The following SHISA5 variants were observed in gnomAD, a reference collection of about 807,000 sequenced individuals.
SHISA5 encodes protein shisa-5.
In SHISA5, 21 loss-of-function variants were observed where a neutral mutation model predicts 27.5. The ratio of observed to expected loss-of-function variants is 0.76; its 90% CI spans 0.54 to 1.10. The LOEUF is 1.10. Ranked by LOEUF, SHISA5 falls within the 50% of genes least tolerant of loss-of-function variation. The pLI, the probability that SHISA5 is intolerant of heterozygous loss-of-function variation, is 0.00. For synonymous variants in SHISA5, 137 were observed against 142.2 expected (o/e 0.96, Z 0.26); for missense variants, 314 against 336.3 (o/e 0.93, Z 0.52).
intron 3 of SHISA5, chr3:48,472,955 A>G: frequency 6.7e-7 from 1 of 1,481,644 alleles, no homozygotes; most frequent in Non-Finnish European, 9.1e-7. Context: ...ATCCCTCCAG[A>G]GATCTCTCAG....
chr3:48,469,637 C>A lies in SHISA5; in HGVS notation c.431-64G>T. 6.3e-7 allele frequency: 1 copy of A among 1,593,422 alleles called. No homozygotes were observed. Among genetic ancestry groups the A allele is most frequent in the Non-Finnish European group, 8.6e-7 (1 of 1,168,776 alleles). On this transcript the variant is annotated intron_variant, in intron 4 of 5. Coordinates refer to ENST00000296444, the MANE Select transcript of SHISA5 (RefSeq NM_016479.6). This position sits in a 1 kb window ranked among gnomAD's most constrained non-coding sequence, Gnocchi z 4.6. ...CCCAGGTCTTGAGAGCCAGGCTTGCCACCCATCCCTCCAGCTTAGCCAAAG... is the reference window on the plus strand; with the variant it reads ...CCCAGGTCTTGAGAGCCAGGCTTGCAACCCATCCCTCCAGCTTAGCCAAAG...
At chr3:48,471,840 T>C (rs1019255501) in intron 3 of SHISA5, among the ~76,000 whole-genome samples, 3 of 151,324 alleles carry the variant, frequency 2.0e-5, no homozygotes, top group African/African-American at 7.3e-5. Context: ...GATCACACCA[T>C]TGCACTCCAG....
Position 48,486,350 on chromosome 3 carries a change from G to A in SHISA5, c.234-7093C>T, listed in dbSNP as rs1366597606. 4.8e-4 allele frequency among the ~76,000 whole-genome samples: 34 copies of A among 71,558 alleles called. 1 individual carries two copies. Among genetic ancestry groups the A allele is most frequent in the African/African-American group, 2.2e-3 (31 of 14,346 alleles). 46.9% of individuals were successfully genotyped at this position (71,558 alleles called of 152,430 possible). A position where few individuals can be genotyped will look rare whatever the true frequency, so the allele number is the denominator to read the frequency against. On this transcript the variant is annotated intron_variant, in intron 2 of 5. Coordinates refer to ENST00000296444, the MANE Select transcript of SHISA5 (RefSeq NM_016479.6). ...ATGTTATATAATATATAATGATAAT[G>A]TATTATATATTATATATTATATAAT...
intron 3 of SHISA5, among the ~76,000 whole-genome samples, chr3:48,471,505 A>T (rs1454522494): frequency 6.7e-6 from 1 of 148,506 alleles, no homozygotes; most frequent in Non-Finnish European, 1.5e-5. Context: ...TAGTGAGCCA[A>T]GATCGCACCA....
At chr3:48,502,996 A>G (rs1421182975) in intron 1 of SHISA5, 3 of 728,420 alleles carry the variant, frequency 4.1e-6, no homozygotes, top group African/African-American at 3.6e-5. Context: ...GTTGGGGGGA[A>G]CTGCACTTCT....
At chr3:48,478,977 G>A (rs950474287) in intron 3 of SHISA5, among the ~76,000 whole-genome samples, 200 bp downstream of exon 3, 1 of 151,356 alleles carries the variant, frequency 6.6e-6, no homozygotes, top group Admixed American at 6.6e-5. Context: ...AGTCACCCAC[G>A]TCCCCACCAC....
intron 1 of SHISA5, chr3:48,502,962 G>A (rs2041799668): frequency 2.1e-6 from 1 of 470,782 alleles, no homozygotes; most frequent in African/African-American, 2.0e-5. Context: ...TGACCTCCTT[G>A]GGAAGAGGGA....
At chr3:48,476,586 G>C (rs1299140400) in intron 3 of SHISA5, among the ~76,000 whole-genome samples, 1 of 152,202 alleles carries the variant, frequency 6.6e-6, no homozygotes, top group East Asian at 1.9e-4. Flanking sequence ...CAAGTAGGCA[G>C]CACATGGATG....
In SHISA5 at chr3:48,468,590, T is replaced by G; in HGVS notation, c.*517A>C. The G allele has an allele frequency of 8.4e-7, 1 of 1,190,848 alleles. No individual in the cohort carries two copies. Among genetic ancestry groups the G allele is most frequent in the Non-Finnish European group, 1.1e-6 (1 of 943,138 alleles). 73.8% of individuals were successfully genotyped at this position (1,190,848 alleles called of 1,614,324 possible). A position where few individuals can be genotyped will look rare whatever the true frequency, so the allele number is the denominator to read the frequency against. ...ACTTGGCCAGATCCCAAGCTTCGCC[T>G]GCATCATGTCCCTGGCTCTGCAACG... On this transcript the variant is annotated 3_prime_UTR_variant, in exon 6 of 6. Coordinates refer to ENST00000296444, the MANE Select transcript of SHISA5 (RefSeq NM_016479.6).
chr3:48,498,943 G>T (rs1026894106), intron 2 of SHISA5, among the ~76,000 whole-genome samples: 1 of 151,636 alleles, frequency 6.6e-6, no homozygotes, highest in Non-Finnish European at 1.5e-5. Context: ...TTAGCCGGGC[G>T]TGGTGGCACA....
Position 48,479,262 on chromosome 3 carries a change from A to G in SHISA5, c.234-5T>C, listed in dbSNP as rs746007511. On this transcript the variant is annotated splice_region_variant and splice_polypyrimidine_tract_variant and intron_variant, in intron 2 of 5. Transcript: ENST00000296444. ...GGCTCTACACTGGCAGGCACGCTGCAAACAGGAAACCTTGTGATTAGCACA... is the reference window on the plus strand; with the variant it reads ...GGCTCTACACTGGCAGGCACGCTGCGAACAGGAAACCTTGTGATTAGCACA... The G allele has an allele frequency of 2.0e-5, 32 of 1,603,782 alleles. No individual in the cohort carries two copies. The highest frequency in any genetic ancestry group is 1.2e-4 in the South Asian group (11 of 89,908).
intron 2 of SHISA5, among the ~76,000 whole-genome samples, chr3:48,498,121 C>T (rs1369039557): frequency 6.6e-6 from 1 of 152,176 alleles, no homozygotes; most frequent in African/African-American, 2.4e-5. Flanking sequence ...ACAGTCATCT[C>T]TACAAATGCA....
At chr3:48,486,595 A>C (rs1180778001) in intron 2 of SHISA5, among the ~76,000 whole-genome samples, 133 of 131,704 alleles carry the variant, frequency 1.0e-3, no homozygotes, top group African/African-American at 3.5e-3. Context: ...TTATATATAT[A>C]GATTATATAT....
At chr3:48,492,402 G>A (rs1036200362) in intron 2 of SHISA5, among the ~76,000 whole-genome samples, 6 of 148,576 alleles carry the variant, frequency 4.0e-5, no homozygotes, top group African/African-American at 1.6e-4. Context: ...CCCGGGAGGC[G>A]GAGCTTGCAG....
chr3:48,484,210 G>A (rs1428108352), intron 2 of SHISA5, among the ~76,000 whole-genome samples: 1 of 152,152 alleles, frequency 6.6e-6, no homozygotes, highest in Non-Finnish European at 1.5e-5. Context: ...AAAATTAGAT[G>A]TAAAACAAAA....
intron 1 of SHISA5, chr3:48,503,118 G>T (rs1288670870): frequency 7.0e-6 from 9 of 1,289,692 alleles, no homozygotes; most frequent in Non-Finnish European, 9.1e-6. Context: ...TCATCAGCAT[G>T]GCCCGTGCCT....
chr3:48,488,328 C>T (rs1370987416), intron 2 of SHISA5, among the ~76,000 whole-genome samples: 2 of 149,280 alleles, frequency 1.3e-5, no homozygotes, highest in East Asian at 2.0e-4. Context: ...CCCTGGTTCA[C>T]GCCATTCTCC....
At chr3:48,501,635 C>T (rs536753890) in intron 1 of SHISA5, among the ~76,000 whole-genome samples, 19 of 152,246 alleles carry the variant, frequency 1.2e-4, no homozygotes, top group African/African-American at 3.4e-4. Flanking sequence ...GATCAAGGCC[C>T]GAGTTTCCAA....
intron 2 of SHISA5, among the ~76,000 whole-genome samples, chr3:48,497,505 C>T (rs1405937135): frequency 1.3e-5 from 2 of 151,500 alleles, no homozygotes; most frequent in Non-Finnish European, 2.9e-5. Context: ...TCGTGACCCA[C>T]CCGCCTCAGC....
Sources: gnomAD v4.1 joint callset for allele counts (sites outside exome capture counted in the v4.1 genomes callset) on GRCh38, gnomAD v4.1.1 for gene constraint, Gnocchi (gnomAD v3.1) non-coding constraint, MANE v1.5 for transcripts, NCBI Gene and HGNC (gene_info 2026-07-23, HGNC 2026-07-21) for gene names.